PCDH15: variants seen among roughly 807,000 people sequenced by gnomAD.
PCDH15 encodes the protein protocadherin-15.
In PCDH15, 129 loss-of-function variants were observed where a neutral mutation model predicts 178.5. The ratio of observed to expected loss-of-function variants is 0.72; its 90% CI spans 0.63 to 0.84. PCDH15 has a LOEUF of 0.84. Ranked by LOEUF, PCDH15 falls within the 40% of genes least tolerant of loss-of-function variation. The pLI is 0.00. For missense variants in PCDH15, 2,230 were observed against 2,099.9 expected (o/e 1.06, Z -1.21); for synonymous variants, 800 against 732.0 (o/e 1.09, Z -1.50).
chr10:55,420,591 G>C (rs1838597699), intron 2 of PCDH15, among the ~76,000 whole-genome samples: 1 of 151,516 alleles, frequency 6.6e-6, no homozygotes, highest in African/African-American at 2.4e-5. Context: ...TTTGTTTTTA[G>C]CTGTCTTAGA....
chr10:54,074,208 C>G (rs924118819), intron 17 of PCDH15, among the ~76,000 whole-genome samples: 1 of 152,164 alleles, frequency 6.6e-6, no homozygotes, highest in African/African-American at 2.4e-5. Flanking sequence ...TTTGTTTGTA[C>G]TATCTCAATT....
chr10:55,080,006 C>G (rs903591438), intron 2 of PCDH15, among the ~76,000 whole-genome samples: 1 of 151,978 alleles, frequency 6.6e-6, no homozygotes, highest in African/African-American at 2.4e-5. Context: ...AAGAATCTGG[C>G]CTCAGGGCTC....
chr10:54,621,229 A>C (rs2093340063), intron 2 of PCDH15, among the ~76,000 whole-genome samples: 1 of 151,988 alleles, frequency 6.6e-6, no homozygotes, highest in Non-Finnish European at 1.5e-5. Flanking sequence ...TATTTCAAGT[A>C]AATGAACATA....
intron 25 of PCDH15, among the ~76,000 whole-genome samples, chr10:53,910,320 G>A (rs1157861292): frequency 6.6e-6 from 1 of 152,134 alleles, no homozygotes; most frequent in Non-Finnish European, 1.5e-5. Flanking sequence ...GAAGGACCAG[G>A]CAGCAATATT....
At chr10:54,378,995 T>A in intron 3 of PCDH15, 53 bp from the exon 4 acceptor site, 1 of 1,600,622 alleles carries the variant, frequency 6.2e-7, no homozygotes, top group African/African-American at 1.3e-5. Flanking sequence ...ATGAATTCTT[T>A]AGCAAAGATC....
intron 21 of PCDH15, among the ~76,000 whole-genome samples, chr10:53,989,539 T>C (rs2091325667): frequency 6.6e-6 from 1 of 152,198 alleles, no homozygotes; most frequent in African/African-American, 2.4e-5. Flanking sequence ...TGTTTCATGG[T>C]GTACCTTCTT....
At chr10:55,183,194 T>A (rs1839699652) in intron 1 of PCDH15, among the ~76,000 whole-genome samples, 3 of 152,014 alleles carry the variant, frequency 2.0e-5, no homozygotes, top group Admixed American at 2.0e-4. Context: ...CTTCTCAGTT[T>A]CATATATTTT....
intron 1 of PCDH15, among the ~76,000 whole-genome samples, chr10:54,781,678 T>C (rs1027605414): frequency 2.6e-5 from 4 of 152,192 alleles, no homozygotes; most frequent in African/African-American, 7.2e-5. Context: ...TTTCTAAATA[T>C]CTGAACTGTA....
intron 2 of PCDH15, among the ~76,000 whole-genome samples, chr10:55,540,918 A>G (rs1399875118): frequency 6.6e-6 from 1 of 152,084 alleles, no homozygotes; most frequent in Non-Finnish European, 1.5e-5. Flanking sequence ...CACCATATAT[A>G]AAGCTTGCAT....
chr10:55,441,465 A>C (rs892001147), intron 2 of PCDH15, among the ~76,000 whole-genome samples: 2 of 60,984 alleles, frequency 3.3e-5, no homozygotes, highest in African/African-American at 3.8e-4. Flanking sequence ...GAAGGAAGGA[A>C]ACCAATTAGT....
intron 2 of PCDH15, among the ~76,000 whole-genome samples, chr10:54,589,446 C>A (rs2091733757): frequency 6.6e-6 from 1 of 152,162 alleles, no homozygotes; most frequent in African/African-American, 2.4e-5. Context: ...TCTGAACCCC[C>A]ATTGGCCATT....
chr10:54,421,891 C>CACTATATATATAT (rs1565231816), intron 3 of PCDH15, among the ~76,000 whole-genome samples: 1 of 80,254 alleles, frequency 1.2e-5, no homozygotes, highest in Non-Finnish European at 2.5e-5. Flanking sequence ...TATACACACA[C>CACTATATATATAT]ACACTATATA....
chr10:54,365,404 A>G (rs115849832), intron 5 of PCDH15, among the ~76,000 whole-genome samples: 2,713 of 152,208 alleles, frequency 0.018, 86 homozygotes, highest in African/African-American at 0.062. Context: ...CATGCTTTAG[A>G]GGTTTTTATA....
intron 2 of PCDH15, among the ~76,000 whole-genome samples, chr10:55,146,807 A>G (rs1838525397): frequency 6.6e-6 from 1 of 151,880 alleles, no homozygotes; most frequent in South Asian, 2.1e-4. Flanking sequence ...CTAAAAAACT[A>G]CAAATAAGCA....
chr10:53,891,945 G>C (rs544885400), intron 26 of PCDH15, among the ~76,000 whole-genome samples: 2 of 151,790 alleles, frequency 1.3e-5, no homozygotes, highest in South Asian at 2.1e-4. Flanking sequence ...CTCCACCCTG[G>C]GTGACAGAGC....
At chr10:55,146,783 C>A (rs1002361029) in intron 2 of PCDH15, among the ~76,000 whole-genome samples, 1 of 151,706 alleles carries the variant, frequency 6.6e-6, no homozygotes. Context: ...ATATTTTAAG[C>A]AATTTATTAT....
Position 53,809,381 on chromosome 10 carries a change from C to T in PCDH15, c.4671+1175G>A, listed in dbSNP as rs772526635. The T allele has an allele frequency of 3.7e-6, 6 of 1,613,996 alleles. No individual in the cohort carries two copies. In the Admixed American group the frequency reaches 1.0e-4, roughly 27 times the overall value. On this transcript the variant is annotated intron_variant, in intron 37 of 37. Coordinates refer to ENST00000644397, the MANE Select transcript of PCDH15 (RefSeq NM_001384140.1). ...AGGTCAACGATTCCTCTTTTATCAG[C>T]TAATCCTCTAACTTTCTTAAAAATC... is the stretch of plus-strand genomic sequence containing the variant.
At chr10:54,116,099 T>A (rs1344466936) in intron 15 of PCDH15, among the ~76,000 whole-genome samples, 1 of 152,096 alleles carries the variant, frequency 6.6e-6, no homozygotes, top group African/African-American at 2.4e-5. Flanking sequence ...ATGGAAAAAG[T>A]CCCAGGAGAT....
At chr10:53,879,661 T>G (rs1007561249) in intron 26 of PCDH15, among the ~76,000 whole-genome samples, 29 of 152,344 alleles carry the variant, frequency 1.9e-4, no homozygotes, top group African/African-American at 6.3e-4. Flanking sequence ...AATTTTTTTC[T>G]CTCAAATAGA....
Sources: allele counts gnomAD v4.1 joint callset (sites outside exome capture counted in the v4.1 genomes callset), GRCh38; gene constraint gnomAD v4.1.1; transcripts MANE v1.5; gene names NCBI Gene and HGNC (gene_info 2026-07-23, HGNC 2026-07-21).